CNTNAP3B: variants seen among roughly 807,000 people sequenced by gnomAD.
CNTNAP3B encodes the protein contactin associated protein family member 3B.
CNTNAP3B carries 25 observed loss-of-function variants against 108.9 expected under a neutral mutation model. That is an observed-to-expected ratio of 0.23 (90% CI 0.17 to 0.32). CNTNAP3B has a LOEUF of 0.32. CNTNAP3B is among the 10% of genes least tolerant of loss of function. The pLI, the probability that CNTNAP3B is intolerant of heterozygous loss-of-function variation, is 1.00. For synonymous variants in CNTNAP3B, 103 were observed against 473.4 expected, an observed-to-expected ratio of 0.22 and a Z score of 10.16; for missense variants, 252 against 1,210.4, an observed-to-expected ratio of 0.21 and a Z score of 11.75.
chr9:42,115,305 C>T (rs1460979005), intron 1 of CNTNAP3B, among the ~76,000 whole-genome samples: 1 of 133,154 alleles, frequency 7.5e-6, no homozygotes. Context: ...CAGCTCCCAG[C>T]ATGAACGACG....
chr9:42,043,012 T>C (rs1489209696), intron 3 of CNTNAP3B, among the ~76,000 whole-genome samples: 1 of 149,972 alleles, frequency 6.7e-6, no homozygotes, highest in Non-Finnish European at 1.5e-5. Context: ...ATCATCATCA[T>C]AGCTTATGTT....
intron 3 of CNTNAP3B, among the ~76,000 whole-genome samples, chr9:42,042,088 G>C (rs1826772450): frequency 7.0e-6 from 1 of 141,892 alleles, no homozygotes; most frequent in South Asian, 2.2e-4. Flanking sequence ...GCCTGTCGTG[G>C]GGTGGTGGGA....
chr9:42,053,951 A>G (rs969458670), intron 3 of CNTNAP3B, among the ~76,000 whole-genome samples: 10 of 151,658 alleles, frequency 6.6e-5, no homozygotes, highest in African/African-American at 2.4e-4. Flanking sequence ...CCCCTTCCAA[A>G]TGGATCCCCT....
At chr9:41,918,483 A>G (rs1387254887) in intron 18 of CNTNAP3B, among the ~76,000 whole-genome samples, 3 of 145,472 alleles carry the variant, frequency 2.1e-5, no homozygotes, top group Non-Finnish European at 4.5e-5. Context: ...CCCCAAATAT[A>G]TCTGTAAATA....
intron 11 of CNTNAP3B, among the ~76,000 whole-genome samples, chr9:41,961,403 G>A (rs1490183227): frequency 2.2e-4 from 33 of 152,416 alleles, no homozygotes; most frequent in African/African-American, 5.8e-4. Context: ...TGAATTCTGC[G>A]TGCTATTGAA....
intron 2 of CNTNAP3B, among the ~76,000 whole-genome samples, chr9:42,088,984 A>G (rs1274060502): frequency 7.8e-6 from 1 of 128,898 alleles, no homozygotes; most frequent in Non-Finnish European, 1.6e-5. Context: ...TGGAAGGCCA[A>G]GGTGGGCGAA....
chr9:42,114,863 G>A (rs1828277578), intron 1 of CNTNAP3B, among the ~76,000 whole-genome samples: 1 of 136,036 alleles, frequency 7.4e-6, no homozygotes, highest in Admixed American at 7.4e-5. Flanking sequence ...AGACGAGCCT[G>A]GCCAACATGG....
chr9:41,947,402 A>G (rs1824558906), intron 13 of CNTNAP3B, among the ~76,000 whole-genome samples: 1 of 152,260 alleles, frequency 6.6e-6, no homozygotes, highest in Non-Finnish European at 1.5e-5. Flanking sequence ...TTTTTAAAAT[A>G]CACTTCTAAA....
intron 12 of CNTNAP3B, among the ~76,000 whole-genome samples, chr9:41,955,429 C>A (rs1295473975): frequency 3.3e-5 from 5 of 152,286 alleles, no homozygotes; most frequent in African/African-American, 4.8e-5. Flanking sequence ...GGACACAGAC[C>A]ATTGTGGTTT....
chr9:42,051,958 C>G (rs1283360531), intron 3 of CNTNAP3B, among the ~76,000 whole-genome samples: 2 of 151,712 alleles, frequency 1.3e-5, no homozygotes, highest in Non-Finnish European at 2.9e-5. Context: ...TTTTTTCTCT[C>G]TCTTGTAAAA....
At chr9:41,950,995 C>T (rs1824661037) in intron 13 of CNTNAP3B, among the ~76,000 whole-genome samples, 1 of 117,624 alleles carries the variant, frequency 8.5e-6, no homozygotes, top group Admixed American at 9.0e-5. Context: ...ACCTCGTGAT[C>T]CGCCCGCCTC....
intron 7 of CNTNAP3B, chr9:41,994,060 A>G (rs1825852358): frequency 7.2e-6 from 1 of 138,300 alleles, no homozygotes; most frequent in Admixed American, 7.2e-5. Flanking sequence ...AATTCAGAAT[A>G]ACATGGAATG....
chr9:42,002,695 T>A lies in CNTNAP3B; in HGVS notation c.539-4091A>T, dbSNP rs951977450. On this transcript the variant is annotated intron_variant, in intron 4 of 23. Coordinates refer to ENST00000377561, the MANE Select transcript of CNTNAP3B (RefSeq NM_001201380.3). ...GAAAAGAGGACATATAATCCTGAAA[T>A]ATGATTGTTTCTGCCACATTCACAG... Among the ~76,000 whole-genome samples the A allele has an allele frequency of 5.4e-4, 62 of 114,346 alleles. 2 individuals carry two copies. Among genetic ancestry groups the A allele is most frequent in the South Asian group, 8.5e-4 (3 of 3,538 alleles). The allele number at this position is 114,346 out of a possible 152,430, so 75.0% of individuals were successfully genotyped here. A position where few individuals can be genotyped will look rare whatever the true frequency, so the allele number is the denominator to read the frequency against.
chr9:42,001,567 A>C (rs1826006209), intron 4 of CNTNAP3B, among the ~76,000 whole-genome samples: 1 of 136,806 alleles, frequency 7.3e-6, no homozygotes, highest in Non-Finnish European at 1.6e-5. Context: ...TATGAAATTC[A>C]ATTATATAAA....
At chr9:42,030,813 G>GGAGAGAGAGAGAGAGAGAGAGA (rs71274672) in intron 3 of CNTNAP3B, among the ~76,000 whole-genome samples, 17 of 65,758 alleles carry the variant, frequency 2.6e-4, no homozygotes, top group African/African-American at 1.3e-3. Flanking sequence ...GAGAGAGAGA[G>GGAGAGAGAGAGAGAGAGAGAGA]GAGAGAGAGA....
At chr9:41,957,493 T>A (rs1268142837) in intron 12 of CNTNAP3B, among the ~76,000 whole-genome samples, 4 of 128,440 alleles carry the variant, frequency 3.1e-5, no homozygotes, top group African/African-American at 1.3e-4. Context: ...TCTCTAAGCT[T>A]AGGGATTCTT....
rs552704673 is a variant in CNTNAP3B, at chr9:42,096,360, A to G, written c.196+8269T>C. On this transcript the variant is annotated intron_variant, in intron 2 of 23. Coordinates refer to ENST00000377561, the MANE Select transcript of CNTNAP3B (RefSeq NM_001201380.3). ...GGGTTCCTAGTCTGCGAGATAGCAG[A>G]AAAATTAAAACACCTTTAGCCTGCT... Among the ~76,000 whole-genome samples the G allele has an allele frequency of 5.7e-5, 8 of 140,810 alleles. 1 individual carries two copies. In the South Asian group the frequency reaches 1.4e-3, roughly 24 times the overall value. 92.4% of individuals were successfully genotyped at this position (140,810 alleles called of 152,430 possible).
chr9:41,966,705 C>T (rs1184968849), intron 10 of CNTNAP3B, among the ~76,000 whole-genome samples: 17 of 152,352 alleles, frequency 1.1e-4, no homozygotes, highest in African/African-American at 2.2e-4. Flanking sequence ...TGGTGGCTCA[C>T]GCCTGTAATC....
At chr9:41,944,880 G>A (rs1454454973) in intron 13 of CNTNAP3B, among the ~76,000 whole-genome samples, 1 of 152,208 alleles carries the variant, frequency 6.6e-6, no homozygotes, top group Non-Finnish European at 1.5e-5. Context: ...TCTGACAAAG[G>A]GCTAATATCC....
Sources: allele counts gnomAD v4.1 joint callset (sites outside exome capture counted in the v4.1 genomes callset), GRCh38; gene constraint gnomAD v4.1.1; transcripts MANE v1.5; gene names NCBI Gene and HGNC (gene_info 2026-07-23, HGNC 2026-07-21).